The following SYMPK variants were observed in gnomAD, a reference collection of about 807,000 sequenced individuals.
SYMPK encodes the protein symplekin.
In SYMPK, 49 loss-of-function variants were observed where a neutral mutation model predicts 136.4. The observed-to-expected ratio is 0.36, with a 90% CI of 0.29 to 0.46. The LOEUF (loss-of-function observed/expected upper bound fraction) is 0.46, where lower values mean the gene tolerates loss of function less well. Among genes scored for constraint, SYMPK ranks in the 20% least tolerant of loss-of-function variants. SYMPK has a pLI of 1.00. For synonymous variants in SYMPK, 766 were observed against 713.0 expected, an observed-to-expected ratio of 1.07 and a Z score of -1.19; for missense variants, 1,365 against 1,690.0, an observed-to-expected ratio of 0.81 and a Z score of 3.37.
intron 22 of SYMPK, chr19:45,820,788 C>T (rs973715539): frequency 7.9e-5 from 21 of 265,064 alleles, no homozygotes; most frequent in African/African-American, 4.5e-4. Context: ...AGTCACCTAA[C>T]CTCTCTGGAG....
chr19:45,848,882 G>T lies in SYMPK; in HGVS notation c.300-6C>A. On this transcript the variant is annotated splice_polypyrimidine_tract_variant and splice_region_variant and intron_variant, in intron 5 of 26. Coordinates refer to ENST00000245934, the MANE Select transcript of SYMPK (RefSeq NM_004819.3). ...GCAACTCAATGTCTCGCTTGCTGAG[G>T]GATGGAGAAAAAAGGGGCGAGGTCA... 2 of 1,613,884 alleles carry T rather than the reference G, an allele frequency of 1.2e-6. No homozygotes were observed. The highest frequency in any genetic ancestry group is 2.7e-5 in the African/African-American group (2 of 75,024).
chr19:45,829,951 A>T (rs1314154094), intron 13 of SYMPK, 103 bp downstream of exon 13: 1 of 1,357,450 alleles, frequency 7.4e-7, no homozygotes, highest in African/African-American at 1.5e-5. Context: ...TGGGGTCCGC[A>T]GCCAGGGAGG....
chr19:45,828,947 G>A (rs1466775992), intron 14 of SYMPK, 23 bp downstream of exon 14: 3 of 1,608,482 alleles, frequency 1.9e-6, no homozygotes, highest in African/African-American at 1.3e-5. Context: ...GGGGACAGGA[G>A]GGTGCAGGGT....
At chr19:45,831,803 A>C (rs1384146842) in intron 11 of SYMPK, among the ~76,000 whole-genome samples, 1 of 152,192 alleles carries the variant, frequency 6.6e-6, no homozygotes, top group African/African-American at 2.4e-5. Flanking sequence ...TGGGGGGAGC[A>C]GCAAATGCTA....
intron 24 of SYMPK, 27 bp from the exon 25 acceptor site, chr19:45,816,604 TG>T (rs1458553192): frequency 1.2e-6 from 2 of 1,612,378 alleles, no homozygotes; most frequent in African/African-American, 1.3e-5. Flanking sequence ...AAGGGGGCGC[TG>T]GGGGCAGCTC....
Position 45,815,845 on chromosome 19 carries a change from CCCTACCTTGGGT to C in SYMPK, c.3681_3687+5del. 6.2e-7 allele frequency: 1 copy of C among 1,611,346 alleles called. No homozygotes were observed. ...CTTCCTTCGCAGCGGAGGCTGCTCT[CCCTACCTTGGGT>C]AGGGGGCCCTCGAGACTAGAGTCCA... On this transcript the variant is annotated splice_donor_variant and splice_donor_5th_base_variant and coding_sequence_variant and intron_variant, in exon 26 of 27. Transcript: ENST00000245934. LOFTEE classifies it high-confidence loss of function.
intron 3 of SYMPK, 136 bp downstream of exon 3, chr19:45,854,039 G>T: frequency 1.2e-6 from 1 of 806,354 alleles, no homozygotes; most frequent in Non-Finnish European, 2.1e-6. Flanking sequence ...GAAGAGCAGA[G>T]GCCTGCACTG....
intron 11 of SYMPK, among the ~76,000 whole-genome samples, chr19:45,832,855 CAAA>C (rs10561490): frequency 6.8e-4 from 81 of 118,634 alleles, no homozygotes; most frequent in East Asian, 7.4e-4. Context: ...ACTAAAAATA[CAAA>C]AAAAAAAAAA....
Position 45,826,921 on chromosome 19 carries a change from C to A in SYMPK, c.2182-548G>T, listed in dbSNP as rs982599017. ...GGGTCAAGGGCGCTCTCAACCACAG[C>A]ACGTGCACATCTGTCCCCTCTGTCT... is the stretch of plus-strand genomic sequence containing the variant. On this transcript the variant is annotated intron_variant, in intron 16 of 26. Coordinates refer to ENST00000245934, the MANE Select transcript of SYMPK (RefSeq NM_004819.3). Among the ~76,000 whole-genome samples, 3 of 152,336 alleles carry A rather than the reference C, an allele frequency of 2.0e-5. 1 individual carries two copies. In the South Asian group the frequency reaches 6.2e-4, roughly 32 times the overall value.
At chr19:45,843,335 T>C (rs573460416) in intron 8 of SYMPK, among the ~76,000 whole-genome samples, 21 of 152,182 alleles carry the variant, frequency 1.4e-4, no homozygotes, top group African/African-American at 4.8e-4. Flanking sequence ...CCTGTACGCA[T>C]TCATACCCCA....
intron 16 of SYMPK, among the ~76,000 whole-genome samples, chr19:45,826,937 C>T (rs1375707639): frequency 6.6e-6 from 1 of 152,210 alleles, no homozygotes; most frequent in South Asian, 2.1e-4. Flanking sequence ...CACATCTGTC[C>T]CCTCTGTCTA....
intron 20 of SYMPK, among the ~76,000 whole-genome samples, 171 bp downstream of exon 20, chr19:45,823,201 C>T (rs1467625721): frequency 6.6e-6 from 1 of 152,176 alleles, no homozygotes; most frequent in Non-Finnish European, 1.5e-5. Context: ...CTCCGCATTT[C>T]CAGGGTACCC....
chr19:45,823,816 C>T lies in SYMPK; in HGVS notation c.2550G>A (p.Lys850=). The T allele has an allele frequency of 6.2e-7, 1 of 1,614,108 alleles. No individual in the cohort carries two copies. Among genetic ancestry groups the T allele is most frequent in the Non-Finnish European group, 8.5e-7 (1 of 1,180,016 alleles). The change falls in exon 19 of 27, where the codon AAG becomes AAA. Residue 850 remains lysine, a synonymous_variant. Transcript: ENST00000245934. The stretch of plus-strand genomic sequence containing the variant: ...ATCTCGTGACCAGTGTCTCTGCTCC[C>T]TTGGGACAATTTTCCACCAGCAGGA... ...ELLLLVENCP[K]GAETLVTRCL...
rs573624244 is a variant in SYMPK at position 45,821,312 on chromosome 19, C to A, written c.2893+72G>T. ...TTGACTTGGCAGATTCCAGTGGGGGCATGTGGGTGACTGAGGTCCTGCCCT... is the reference window on the plus strand; with the variant it reads ...TTGACTTGGCAGATTCCAGTGGGGGAATGTGGGTGACTGAGGTCCTGCCCT... On this transcript the variant is annotated intron_variant, in intron 22 of 26. Transcript: ENST00000245934. The surrounding 1 kb of genome is among the most constrained non-coding windows in gnomAD (Gnocchi z 4.4). 10 of 1,104,390 alleles carry A rather than the reference C, an allele frequency of 9.1e-6. No individual in the cohort carries two copies. The highest frequency in any genetic ancestry group is 8.3e-6 in the Non-Finnish European group (6 of 721,474). 68.4% of individuals were successfully genotyped at this position (1,104,390 alleles called of 1,614,324 possible).
intron 13 of SYMPK, among the ~76,000 whole-genome samples, chr19:45,829,653 T>C (rs1971124055): frequency 1.3e-5 from 2 of 152,164 alleles, no homozygotes; most frequent in South Asian, 4.1e-4. Context: ...AAAAGTCACT[T>C]TTCCCCATTC....
Position 45,817,947 on chromosome 19 carries a change from G to A in SYMPK, c.3081+12C>T. 1 of 1,556,928 alleles carries A rather than the reference G, an allele frequency of 6.4e-7. No individual in the cohort carries two copies. Among genetic ancestry groups the A allele is most frequent in the South Asian group, 1.2e-5 (1 of 84,024 alleles). On this transcript the variant is annotated intron_variant, in intron 23 of 26. Coordinates refer to ENST00000245934, the MANE Select transcript of SYMPK (RefSeq NM_004819.3). ...CTGCAGCCTGGAGGCGGGGTGGCCGGGGATGGGTTACCTGCTTCATGATGA... is the reference window on the plus strand; with the variant it reads ...CTGCAGCCTGGAGGCGGGGTGGCCGAGGATGGGTTACCTGCTTCATGATGA...
At position 45,842,625 on chromosome 19, in the gene SYMPK, G is replaced by A. The variant is rs930262547; in HGVS notation, c.848-136C>T. ...AAGTTCCTTCACCCTCAGATCTAAC[G>A]TGTGGCTTTCCGCCTTACAAGCTGA... On this transcript the variant is annotated intron_variant, in intron 8 of 26. Coordinates refer to ENST00000245934, the MANE Select transcript of SYMPK (RefSeq NM_004819.3). The A allele has an allele frequency of 2.4e-5, 31 of 1,278,360 alleles. 1 individual carries two copies. Among genetic ancestry groups the A allele is most frequent in the South Asian group, 8.8e-5 (6 of 68,312 alleles). The allele number at this position is 1,278,360 out of a possible 1,614,324, so 79.2% of individuals were successfully genotyped here.
chr19:45,830,035 G>C lies in SYMPK; in HGVS notation c.1749+19C>G, dbSNP rs1215256024. 13 of 1,535,288 alleles carry C rather than the reference G, an allele frequency of 8.5e-6. No homozygotes were observed. The highest frequency in any genetic ancestry group is 1.4e-5 in the African/African-American group (1 of 72,766). ...GTAGAGGGACTGGAAGGATGGGGTG[G>C]GGGGTGGCAGGCGCACACCTGGGCT... On this transcript the variant is annotated intron_variant, in intron 13 of 26. Coordinates refer to ENST00000245934, the MANE Select transcript of SYMPK (RefSeq NM_004819.3).
intron 9 of SYMPK, among the ~76,000 whole-genome samples, 182 bp from the exon 10 acceptor site, chr19:45,838,797 T>C (rs1183703344): frequency 1.3e-5 from 2 of 152,230 alleles, no homozygotes; most frequent in Non-Finnish European, 2.9e-5. Flanking sequence ...CCTGGGCAAC[T>C]ACCTGACTCG....
Sources: allele counts gnomAD v4.1 joint callset (sites outside exome capture counted in the v4.1 genomes callset), GRCh38; gene constraint gnomAD v4.1.1; non-coding constraint Gnocchi (gnomAD v3.1); transcripts MANE v1.5; gene names NCBI Gene and HGNC (gene_info 2026-07-23, HGNC 2026-07-21).